OR51B5: variants seen among roughly 807,000 people sequenced by gnomAD.
The protein encoded by OR51B5 is olfactory receptor 51B5.
For synonymous variants in OR51B5, 186 were observed against 144.8 expected, an observed-to-expected ratio of 1.28 and a Z score of -2.04; for missense variants, 456 against 374.6, an observed-to-expected ratio of 1.22 and a Z score of -1.79.
chr11:5,359,758 A>G (rs1467603073), intron 1 of OR51B5, among the ~76,000 whole-genome samples: 3 of 151,588 alleles, frequency 2.0e-5, no homozygotes, highest in Non-Finnish European at 4.4e-5. Context: ...ACAAGGCTAC[A>G]GTAACCAAAA....
At chr11:5,402,361 A>G (rs1849983977) in intron 1 of OR51B5, among the ~76,000 whole-genome samples, 1 of 152,156 alleles carries the variant, frequency 6.6e-6, no homozygotes, top group Admixed American at 6.5e-5. Flanking sequence ...AATTTTCTAG[A>G]ACATAATTTT....
At chr11:5,488,377 G>A (rs1851526839) in intron 1 of OR51B5, among the ~76,000 whole-genome samples, 1 of 152,100 alleles carries the variant, frequency 6.6e-6, no homozygotes, top group African/African-American at 2.4e-5. Flanking sequence ...TGATGTGGAT[G>A]GACTAGAGGT....
chr11:5,364,452 G>T (rs965247936), intron 1 of OR51B5, among the ~76,000 whole-genome samples: 3 of 152,162 alleles, frequency 2.0e-5, no homozygotes, highest in Non-Finnish European at 4.4e-5. Flanking sequence ...TTTCTGTTTA[G>T]AAATTCCTGC....
intron 1 of OR51B5, chr11:5,351,623 G>A (rs1268785302): frequency 6.2e-7 from 1 of 1,613,908 alleles, no homozygotes; most frequent in African/African-American, 1.3e-5. Flanking sequence ...ATACTTCTTG[G>A]CAATGGCACT....
chr11:5,370,479 A>T (rs996144864), intron 1 of OR51B5, among the ~76,000 whole-genome samples: 2 of 152,184 alleles, frequency 1.3e-5, no homozygotes, highest in African/African-American at 4.8e-5. Flanking sequence ...TGAGGGCAAT[A>T]ATTTAATGCC....
At chr11:5,358,417 C>T (rs916354984) in intron 1 of OR51B5, among the ~76,000 whole-genome samples, 2 of 152,222 alleles carry the variant, frequency 1.3e-5, no homozygotes, top group Non-Finnish European at 1.5e-5. Flanking sequence ...TTCCTTGACA[C>T]ATACACCCTC....
At chr11:5,349,413 T>A (rs1003737316) in intron 1 of OR51B5, among the ~76,000 whole-genome samples, 2 of 152,064 alleles carry the variant, frequency 1.3e-5, no homozygotes, top group Non-Finnish European at 2.9e-5. Flanking sequence ...TGTTTTTTTT[T>A]AATTTATCAA....
At chr11:5,421,266 G>A (rs1193738879) in intron 1 of OR51B5, among the ~76,000 whole-genome samples, 2 of 152,162 alleles carry the variant, frequency 1.3e-5, no homozygotes, top group Non-Finnish European at 2.9e-5. Flanking sequence ...CTAGAGATCT[G>A]CAAGGGGCTT....
chr11:5,349,404 G>GTT (rs10688772), intron 1 of OR51B5, among the ~76,000 whole-genome samples: 12,932 of 150,472 alleles, frequency 0.086, 599 homozygotes, highest in African/African-American at 0.1. Flanking sequence ...TCCTACTCCT[G>GTT]TTTTTTTTTA....
chr11:5,463,628 T>A (rs953830938), intron 1 of OR51B5, among the ~76,000 whole-genome samples: 2 of 152,222 alleles, frequency 1.3e-5, no homozygotes, highest in Non-Finnish European at 2.9e-5. Context: ...CCCAGCTTTG[T>A]TTAGGTTTTT....
intron 1 of OR51B5, among the ~76,000 whole-genome samples, chr11:5,400,381 CA>C: frequency 6.6e-6 from 1 of 151,930 alleles, no homozygotes; most frequent in Admixed American, 6.6e-5. Context: ...TTATTTTCTC[CA>C]TATTTTATTT....
At chr11:5,377,262 C>A (rs1040991576) in intron 1 of OR51B5, among the ~76,000 whole-genome samples, 3 of 151,682 alleles carry the variant, frequency 2.0e-5, no homozygotes, top group Admixed American at 6.6e-5. Flanking sequence ...ATTCAACAAC[C>A]CTTCATGCTA....
chr11:5,393,341 A>G (rs1849824712), intron 1 of OR51B5: 1 of 151,590 alleles, frequency 6.6e-6, no homozygotes, highest in Non-Finnish European at 1.5e-5. Flanking sequence ...TATTATTAAA[A>G]TGACATTTAA....
chr11:5,491,575 A>C (rs1851581191), intron 1 of OR51B5, among the ~76,000 whole-genome samples: 1 of 152,216 alleles, frequency 6.6e-6, no homozygotes, highest in Non-Finnish European at 1.5e-5. Context: ...GGGGGTGATT[A>C]CATTTCGAGG....
At chr11:5,397,102 T>C (rs1398224734) in intron 1 of OR51B5, among the ~76,000 whole-genome samples, 1 of 152,178 alleles carries the variant, frequency 6.6e-6, no homozygotes, top group African/African-American at 2.4e-5. Context: ...ATAAAAACTC[T>C]AGAAGAAAAC....
chr11:5,477,923 G>C (rs1284309580), intron 1 of OR51B5, among the ~76,000 whole-genome samples: 38 of 151,952 alleles, frequency 2.5e-4, no homozygotes, highest in African/African-American at 5.5e-4. Context: ...AAGGCAGCAG[G>C]GAGGCTGGGG....
upstream of OR51B5, among the ~76,000 whole-genome samples, chr11:5,347,211 C>A (rs1849006607): frequency 1.3e-5 from 2 of 152,166 alleles, no homozygotes; most frequent in Non-Finnish European, 2.9e-5. Flanking sequence ...CCTACATTTA[C>A]TTCAACAGTC....
intron 1 of OR51B5, chr11:5,355,065 AT>A: frequency 5.9e-6 from 1 of 168,224 alleles, no homozygotes; most frequent in Non-Finnish European, 1.3e-5. Flanking sequence ...ACCTGGACCA[AT>A]TTCCTGACTT....
intron 1 of OR51B5, among the ~76,000 whole-genome samples, chr11:5,434,041 A>G (rs1440756032): frequency 1.3e-5 from 2 of 152,078 alleles, no homozygotes; most frequent in Non-Finnish European, 2.9e-5. Flanking sequence ...AGTCTACCTT[A>G]TTGATCAGCG....
Sources: gnomAD v4.1 joint callset for allele counts (sites outside exome capture counted in the v4.1 genomes callset) on GRCh38, gnomAD v4.1.1 for gene constraint, MANE v1.5 for transcripts, NCBI Gene and HGNC (gene_info 2026-07-23, HGNC 2026-07-21) for gene names.